Variants in KMO observed in about 807,000 individuals in gnomAD.
KMO encodes the protein kynurenine 3-monooxygenase, also known as kynurenine 3-hydroxylase.
In KMO, 24 loss-of-function variants were observed where a neutral mutation model predicts 57.8. The observed-to-expected ratio is 0.42, with a 90% CI of 0.30 to 0.58. KMO has a LOEUF of 0.58. KMO is among the 20% of genes least tolerant of loss of function. KMO has a pLI of 0.22. For missense variants in KMO, 483 were observed against 588.2 expected, an observed-to-expected ratio of 0.82 and a Z score of 1.85; for synonymous variants, 210 against 193.6, an observed-to-expected ratio of 1.08 and a Z score of -0.70.
intron 10 of KMO, among the ~76,000 whole-genome samples, chr1:241,570,113 A>G (rs1031742642): frequency 6.6e-6 from 1 of 152,026 alleles, no homozygotes; most frequent in Non-Finnish European, 1.5e-5. Context: ...AGCTTCTTAT[A>G]TATTCTGATT....
chr1:241,565,558 TAAAAAA>T (rs56260608), intron 8 of KMO, among the ~76,000 whole-genome samples: 11 of 128,932 alleles, frequency 8.5e-5, no homozygotes, highest in Admixed American at 1.6e-4. Flanking sequence ...TTGCCTCTAC[TAAAAAA>T]AAAAAAAAAA....
At chr1:241,580,354 G>C (rs568762481) in intron 10 of KMO, among the ~76,000 whole-genome samples, 1 of 152,028 alleles carries the variant, frequency 6.6e-6, no homozygotes, top group Non-Finnish European at 1.5e-5. Flanking sequence ...ACTGTCTTAG[G>C]GGGAAAGATT....
At chr1:241,559,369 T>C (rs1404520586) in intron 5 of KMO, among the ~76,000 whole-genome samples, 2 of 152,126 alleles carry the variant, frequency 1.3e-5, no homozygotes, top group African/African-American at 4.8e-5. Flanking sequence ...TTTTAGGGAG[T>C]ATATCCCAGG....
chr1:241,568,683 C>A (rs1353877287), intron 10 of KMO, 36 bp downstream of exon 10: 2 of 1,599,386 alleles, frequency 1.3e-6, no homozygotes, highest in Admixed American at 3.4e-5. Flanking sequence ...CCCTCAAATA[C>A]TTCTGGGTCA....
intron 4 of KMO, among the ~76,000 whole-genome samples, chr1:241,552,635 A>G (rs910895731): frequency 1.3e-5 from 2 of 151,990 alleles, no homozygotes; most frequent in Non-Finnish European, 2.9e-5. Flanking sequence ...ACCAATTCCC[A>G]CAGACAACAC....
intron 10 of KMO, among the ~76,000 whole-genome samples, chr1:241,579,065 A>G (rs1335526766): frequency 6.6e-6 from 1 of 152,124 alleles, no homozygotes; most frequent in Non-Finnish European, 1.5e-5. Context: ...GGGAGATACA[A>G]TTCAAGATGA....
At chr1:241,591,921 C>G (rs371102589) in intron 14 of KMO, 32 bp from the exon 15 acceptor site, 2 of 1,559,002 alleles carry the variant, frequency 1.3e-6, no homozygotes, top group Middle Eastern at 1.7e-4. Flanking sequence ...AATCTCTGGA[C>G]AAATGAAATG....
At position 241,594,699 on chromosome 1, in the gene KMO, G is replaced by A. The variant is rs376646156; in HGVS notation, c.*2546G>A. ...CAAAAGGGATCTTCGAAACTGGGCA[G>A]AGAAAAAATAAAGTGGAATATTAAG... On this transcript the variant is annotated 3_prime_UTR_variant, in exon 15 of 15. Coordinates refer to ENST00000366559, the MANE Select transcript of KMO (RefSeq NM_003679.5). 60 of 1,606,710 alleles carry A rather than the reference G, an allele frequency of 3.7e-5. No homozygotes were observed. The highest frequency in any genetic ancestry group is 5.1e-5 in the Non-Finnish European group (60 of 1,177,120).
chr1:241,566,175 C>T (rs192805676), intron 8 of KMO, among the ~76,000 whole-genome samples: 7 of 152,206 alleles, frequency 4.6e-5, no homozygotes, highest in South Asian at 4.2e-4. Context: ...CACAGCACTC[C>T]GGCCTGGGCA....
At chr1:241,554,953 A>G (rs893368097) in intron 4 of KMO, among the ~76,000 whole-genome samples, 3 of 151,822 alleles carry the variant, frequency 2.0e-5, no homozygotes, top group African/African-American at 7.3e-5. Flanking sequence ...TTGCACTCCA[A>G]CCTGGGCAAC....
chr1:241,590,113 G>A lies in KMO; in HGVS notation c.1200G>A (p.Met400Ile), dbSNP rs1663192112. The change falls in exon 13 of 15, where the codon ATG becomes ATA. Residue 400 changes from methionine to isoleucine, a missense_variant and splice_region_variant. This residue lies in a region of KMO where 410 missense variants were observed against 492.3 expected (regional missense o/e 0.83). Coordinates refer to ENST00000366559, the MANE Select transcript of KMO (RefSeq NM_003679.5). ...MPSTFIPLYT[M>I]VTFSRIRYHE... ...CGACCTTTATCCCTCTCTATACAATGGTAAGGTCTGGACTGAAGACTTTTC... is the reference window on the plus strand; with the variant it reads ...CGACCTTTATCCCTCTCTATACAATAGTAAGGTCTGGACTGAAGACTTTTC... 6.2e-7 allele frequency: 1 copy of A among 1,609,960 alleles called. No individual in the cohort carries two copies. The highest frequency in any genetic ancestry group is 1.3e-5 in the African/African-American group (1 of 74,818).
intron 4 of KMO, 95 bp downstream of exon 4, chr1:241,551,139 A>C: frequency 1.4e-6 from 1 of 717,838 alleles, no homozygotes; most frequent in South Asian, 1.7e-5. Context: ...CTCCAGCCCT[A>C]TCTCTGACAT....
At chr1:241,584,104 T>G (rs1662869559) in intron 10 of KMO, among the ~76,000 whole-genome samples, 1 of 152,166 alleles carries the variant, frequency 6.6e-6, no homozygotes, top group Non-Finnish European at 1.5e-5. Context: ...ACATTAGGTA[T>G]TTCTCCTAAT....
intron 10 of KMO, among the ~76,000 whole-genome samples, chr1:241,582,156 T>C (rs1326686404): frequency 1.3e-5 from 2 of 152,186 alleles, no homozygotes; most frequent in Non-Finnish European, 2.9e-5. Flanking sequence ...GCTCCTTTTA[T>C]GTTATTTGCT....
chr1:241,589,793 C>G (rs1316024374), intron 12 of KMO, among the ~76,000 whole-genome samples: 1 of 152,160 alleles, frequency 6.6e-6, no homozygotes, highest in Non-Finnish European at 1.5e-5. Flanking sequence ...AATAAACTTC[C>G]CTAGCAGGTT....
chr1:241,593,664 A>G lies in KMO; in HGVS notation c.*1511A>G, dbSNP rs1324440920. 1 of 173,852 alleles carries G rather than the reference A, an allele frequency of 5.8e-6. No individual in the cohort carries two copies. The highest frequency in any genetic ancestry group is 1.3e-5 in the Non-Finnish European group (1 of 79,292). 10.8% of individuals were successfully genotyped at this position (173,852 alleles called of 1,614,324 possible). ...TATATGTAATATATATGTGGGAAAT[A>G]CAGGGGAATGAGCAAATCTCAAAGA... On this transcript the variant is annotated 3_prime_UTR_variant, in exon 15 of 15. Coordinates refer to ENST00000366559, the MANE Select transcript of KMO (RefSeq NM_003679.5).
intron 4 of KMO, among the ~76,000 whole-genome samples, chr1:241,555,156 C>T (rs1015503712): frequency 1.3e-5 from 2 of 152,042 alleles, no homozygotes; most frequent in Admixed American, 6.6e-5. Flanking sequence ...CACACACACA[C>T]GCGTGCACAC....
At chr1:241,547,852 A>G (rs1381457444) in intron 1 of KMO, among the ~76,000 whole-genome samples, 1 of 152,198 alleles carries the variant, frequency 6.6e-6, no homozygotes, top group Admixed American at 6.5e-5. Context: ...AAAAGTTATC[A>G]TATATGTACC....
chr1:241,569,535 C>T (rs565970483), intron 10 of KMO, among the ~76,000 whole-genome samples: 1 of 152,198 alleles, frequency 6.6e-6, no homozygotes, highest in South Asian at 2.1e-4. Context: ...ATATGTACTA[C>T]ATTTTCCTTA....
Sources: gnomAD v4.1 joint callset for allele counts (sites outside exome capture counted in the v4.1 genomes callset) on GRCh38, gnomAD v4.1.1 for gene constraint, gnomAD v4.1.1 regional missense constraint, MANE v1.5 for transcripts, NCBI Gene and HGNC (gene_info 2026-07-23, HGNC 2026-07-21) for gene names.